Variants in CFAP54 observed in about 807,000 individuals in gnomAD.
CFAP54 encodes cilia and flagella associated protein 54.
CFAP54 carries 290 observed loss-of-function variants against 370.4 expected under a neutral mutation model. The ratio of observed to expected loss-of-function variants is 0.78; its 90% CI spans 0.71 to 0.86. The LOEUF (loss-of-function observed/expected upper bound fraction) is 0.86. CFAP54 is among the 40% of genes least tolerant of loss of function. CFAP54 has a pLI of 0.00. For synonymous variants in CFAP54, 1,206 were observed against 1,236.5 expected, an observed-to-expected ratio of 0.98 and a Z score of 0.52; for missense variants, 3,399 against 3,528.7, an observed-to-expected ratio of 0.96 and a Z score of 0.93.
At chr12:96,641,916 C>T (rs1449898835) in intron 32 of CFAP54, among the ~76,000 whole-genome samples, 6 of 104,162 alleles carry the variant, frequency 5.8e-5, no homozygotes, top group South Asian at 7.3e-4. Flanking sequence ...CATCACACAC[C>T]GGGGCCTGTT....
chr12:96,677,191 T>G (rs970306706), intron 39 of CFAP54, among the ~76,000 whole-genome samples: 1 of 151,540 alleles, frequency 6.6e-6, no homozygotes, highest in Admixed American at 6.6e-5. Flanking sequence ...TTATTTTTTT[T>G]GTAGAGACAG....
Position 96,868,632 on chromosome 12 carries a change from A to C in CFAP54, c.*15-6486A>C, listed in dbSNP as rs1960071334. ...ATTTGAACTTGCTCAAAAAAATGTA[A>C]GGTAGCTTATAAGTATGCATTCAAA... On this transcript the variant is annotated intron_variant, in intron 67 of 67. Coordinates refer to ENST00000524981, the MANE Select transcript of CFAP54 (RefSeq NM_001306084.2). Among the ~76,000 whole-genome samples the C allele has an allele frequency of 2.0e-5, 3 of 152,288 alleles. No individual in the cohort carries two copies. The East Asian group carries it at 5.8e-4, about 29-fold the overall frequency.
chr12:96,584,148 CTATTT>C (rs1440154396), intron 22 of CFAP54, among the ~76,000 whole-genome samples: 1 of 149,362 alleles, frequency 6.7e-6, no homozygotes, highest in East Asian at 1.9e-4. Flanking sequence ...TGTCTTTTGT[CTATTT>C]TATTTTTCAT....
chr12:96,590,435 A>C (rs1479828783), intron 23 of CFAP54, among the ~76,000 whole-genome samples: 1 of 152,232 alleles, frequency 6.6e-6, no homozygotes, highest in African/African-American at 2.4e-5. Context: ...AAAAGCAACA[A>C]GAATCTCCCT....
At chr12:96,600,258 C>T (rs1055232480) in intron 26 of CFAP54, among the ~76,000 whole-genome samples, 7 of 152,178 alleles carry the variant, frequency 4.6e-5, no homozygotes, top group African/African-American at 1.7e-4. Flanking sequence ...AATAGGGAAT[C>T]CTTTCCCCAC....
intron 63 of CFAP54, among the ~76,000 whole-genome samples, chr12:96,797,938 ATTTCT>A (rs1177513261): frequency 6.6e-6 from 1 of 151,378 alleles, no homozygotes; most frequent in Admixed American, 6.6e-5. Flanking sequence ...TTTTGGATTG[ATTTCT>A]TTATCATTCA....
intron 2 of CFAP54, among the ~76,000 whole-genome samples, chr12:96,502,687 T>C (rs1955044086): frequency 6.6e-6 from 1 of 152,166 alleles, no homozygotes; most frequent in African/African-American, 2.4e-5. Flanking sequence ...CAGTTGCTTT[T>C]CCTGGGGATG....
At chr12:96,759,648 G>A (rs1348193628) in intron 58 of CFAP54, among the ~76,000 whole-genome samples, 1 of 152,108 alleles carries the variant, frequency 6.6e-6, no homozygotes, top group South Asian at 2.1e-4. Context: ...AAGCACTATT[G>A]TTTCACTTTT....
intron 46 of CFAP54, among the ~76,000 whole-genome samples, chr12:96,701,420 A>T (rs1273007038): frequency 6.6e-6 from 1 of 152,096 alleles, no homozygotes; most frequent in Non-Finnish European, 1.5e-5. Flanking sequence ...ATGGAGATAG[A>T]GCAGTAGAAA....
intron 64 of CFAP54, among the ~76,000 whole-genome samples, chr12:96,813,671 T>G (rs1958947143): frequency 6.6e-6 from 1 of 152,258 alleles, no homozygotes; most frequent in Non-Finnish European, 1.5e-5. Context: ...GTTCCTTGCC[T>G]ACTGTCTCTG....
rs1190011368 is a variant in CFAP54 at position 96,756,499 on chromosome 12, A to C, written c.7882A>C (p.Ser2628Arg). ...RQILMEEKSP[S>R]FQLESLYEAI... ...AATACTAATGGAAGAGAAATCTCCA[A>C]GTTTTCAACTTGAGAGTTTATATGA... Residue 2628 changes from serine to arginine, a missense_variant, in exon 57 of 68, where the codon AGT becomes CGT. Coordinates refer to ENST00000524981, the MANE Select transcript of CFAP54 (RefSeq NM_001306084.2). The C allele has an allele frequency of 6.2e-7, 1 of 1,604,096 alleles. No individual in the cohort carries two copies. The highest frequency in any genetic ancestry group is 8.5e-7 in the Non-Finnish European group (1 of 1,176,910).
chr12:96,834,093 G>T (rs911936984), intron 66 of CFAP54, among the ~76,000 whole-genome samples: 6 of 152,134 alleles, frequency 3.9e-5, no homozygotes, highest in Non-Finnish European at 7.4e-5. Flanking sequence ...AGAATAGTGG[G>T]AGCAGACACT....
chr12:96,637,198 AG>A (rs1956672145), intron 32 of CFAP54, among the ~76,000 whole-genome samples: 1 of 152,140 alleles, frequency 6.6e-6, no homozygotes, highest in South Asian at 2.1e-4. Context: ...CGTGTTTTCC[AG>A]GATTATCCAT....
chr12:96,786,610 C>T (rs1958631638), intron 61 of CFAP54, 65 bp from the exon 62 acceptor site: 2 of 1,186,194 alleles, frequency 1.7e-6, no homozygotes, highest in Non-Finnish European at 2.3e-6. Flanking sequence ...GAGCAAATAC[C>T]AGCAATATTG....
rs1213685429 is a variant in CFAP54, at chr12:96,544,960, A to G, written c.2078-2942A>G. On this transcript the variant is annotated intron_variant, in intron 14 of 67. Coordinates refer to ENST00000524981, the MANE Select transcript of CFAP54 (RefSeq NM_001306084.2). The stretch of plus-strand genomic sequence containing the variant: ...GGAGTCTCGCTCTTTTACCCAGGCT[A>G]GAGTGCGGTGGCACGATCTTGGCTC... Among the ~76,000 whole-genome samples the G allele has an allele frequency of 2.0e-5, 3 of 150,912 alleles. No individual in the cohort carries two copies. The East Asian group carries it at 5.8e-4, about 29-fold the overall frequency.
chr12:96,636,078 C>T (rs1956661568), intron 32 of CFAP54, among the ~76,000 whole-genome samples: 1 of 152,184 alleles, frequency 6.6e-6, no homozygotes, highest in African/African-American at 2.4e-5. Context: ...CTGAGGCTAT[C>T]TAGAGGCTCT....
At chr12:96,648,210 T>C (rs1018704274) in intron 34 of CFAP54, among the ~76,000 whole-genome samples, 193 bp downstream of exon 34, 2 of 152,236 alleles carry the variant, frequency 1.3e-5, no homozygotes, top group African/African-American at 2.4e-5. Flanking sequence ...TATATTCTTA[T>C]GATATTATTG....
At chr12:96,646,929 A>C (rs1342039984) in intron 33 of CFAP54, 5 of 152,102 alleles carry the variant, frequency 3.3e-5, no homozygotes, top group African/African-American at 1.2e-4. Flanking sequence ...AGGAAGGGGA[A>C]CATCACACAC....
At chr12:96,505,498 C>T (rs1206632964) in intron 3 of CFAP54, among the ~76,000 whole-genome samples, 2 of 149,440 alleles carry the variant, frequency 1.3e-5, no homozygotes, top group Non-Finnish European at 3.0e-5. Context: ...CTATAATAGC[C>T]TCACTTTTTT....
Sources: gnomAD v4.1 joint callset for allele counts (sites outside exome capture counted in the v4.1 genomes callset) on GRCh38, gnomAD v4.1.1 for gene constraint, MANE v1.5 for transcripts, NCBI Gene and HGNC (gene_info 2026-07-23, HGNC 2026-07-21) for gene names.